Variants in PTPRD observed in about 807,000 individuals in gnomAD.
PTPRD encodes receptor-type tyrosine-protein phosphatase delta.
In PTPRD, 34 loss-of-function variants were observed where a neutral mutation model predicts 214.5. The observed-to-expected ratio is 0.16, with a 90% CI of 0.12 to 0.21. The LOEUF is 0.21. Ranked by LOEUF, PTPRD falls within the 10% of genes least tolerant of loss-of-function variation. The pLI is 1.00. For synonymous variants in PTPRD, 1,128 were observed against 845.7 expected (o/e 1.33, Z -5.79); for missense variants, 2,545 against 2,398.7 (o/e 1.06, Z -1.27).
chr9:8,499,983 C>A, intron 24 of PTPRD, 143 bp from the exon 25 acceptor site: 2 of 458,872 alleles, frequency 4.4e-6, no homozygotes, highest in Non-Finnish European at 3.4e-6. Context: ...CAAACATTTT[C>A]AACCAATGAA....
chr9:10,383,784 C>T (rs773115957), intron 2 of PTPRD, among the ~76,000 whole-genome samples: 4 of 151,778 alleles, frequency 2.6e-5, no homozygotes, highest in Non-Finnish European at 5.9e-5. Flanking sequence ...AAACGTCTGA[C>T]TCTAATCATA....
At chr9:8,859,782 G>A (rs577560223) in intron 11 of PTPRD, among the ~76,000 whole-genome samples, 3 of 140,752 alleles carry the variant, frequency 2.1e-5, no homozygotes, top group South Asian at 2.4e-4. Context: ...CTCTCTAAAC[G>A]AAGTTTAGTT....
chr9:9,406,170 T>C (rs891202987), intron 8 of PTPRD, among the ~76,000 whole-genome samples: 2 of 152,010 alleles, frequency 1.3e-5, no homozygotes, highest in African/African-American at 4.8e-5. Context: ...ACAAATGTTT[T>C]TGAAACACAT....
chr9:9,445,373 A>G (rs1459186625), intron 8 of PTPRD, among the ~76,000 whole-genome samples: 1 of 152,184 alleles, frequency 6.6e-6, no homozygotes, highest in African/African-American at 2.4e-5. Flanking sequence ...CTTCCTTTTT[A>G]CATTTCTTTC....
rs2095429649 is a variant in PTPRD, at chr9:10,288,445, G to C, written c.-545+52518C>G. 2.0e-5 allele frequency among the ~76,000 whole-genome samples: 3 copies of C among 152,150 alleles called. No homozygotes were observed. In the South Asian group the frequency reaches 6.2e-4, roughly 32 times the overall value. On this transcript the variant is annotated intron_variant, in intron 3 of 45. Transcript: ENST00000381196. Reference sequence around the variant, plus strand: ...TTATTAACTTAATGACCCAAGTAAAGAAACAATACAACTTAGCTTTTGTTT... The same window carrying C: ...TTATTAACTTAATGACCCAAGTAAACAAACAATACAACTTAGCTTTTGTTT...
intron 7 of PTPRD, among the ~76,000 whole-genome samples, chr9:9,705,019 A>G (rs1380535814): frequency 6.6e-6 from 1 of 152,222 alleles, no homozygotes; most frequent in African/African-American, 2.4e-5. Context: ...TAATGAAGTT[A>G]CATGTTTTTT....
chr9:9,924,080 C>A (rs2083445040), intron 5 of PTPRD, among the ~76,000 whole-genome samples: 1 of 151,616 alleles, frequency 6.6e-6, no homozygotes, highest in East Asian at 1.9e-4. Context: ...AAAATGTAAA[C>A]CTAGAGAATA....
At chr9:9,962,624 G>C (rs562223300) in intron 4 of PTPRD, among the ~76,000 whole-genome samples, 1 of 152,018 alleles carries the variant, frequency 6.6e-6, no homozygotes, top group African/African-American at 2.4e-5. Flanking sequence ...TAAAAGTTAC[G>C]ATTAACGGTA....
At position 8,430,268 on chromosome 9, in the gene PTPRD, A is replaced by T. The variant is rs573166186; in HGVS notation, c.4086+6324T>A. On this transcript the variant is annotated intron_variant, in intron 35 of 45. Coordinates refer to ENST00000381196, the MANE Select transcript of PTPRD (RefSeq NM_002839.4). ...ACTGGGATGCCCATTAATTTTTTTT[A>T]TTTTTTTTTTACTTTTTTTCAGACA... 2.9e-3 allele frequency among the ~76,000 whole-genome samples: 429 copies of T among 147,486 alleles called. 2 individuals carry two copies. Among genetic ancestry groups the T allele is most frequent in the African/African-American group, 9.8e-3 (395 of 40,124 alleles).
At chr9:9,002,573 C>A (rs1023537580) in intron 11 of PTPRD, among the ~76,000 whole-genome samples, 1 of 152,014 alleles carries the variant, frequency 6.6e-6, no homozygotes, top group African/African-American at 2.4e-5. Flanking sequence ...AAATAGAATT[C>A]TCCACACCAA....
intron 11 of PTPRD, among the ~76,000 whole-genome samples, chr9:8,964,375 T>G (rs905772605): frequency 2.0e-5 from 3 of 151,780 alleles, no homozygotes; most frequent in African/African-American, 7.3e-5. Context: ...CTGAGGATAT[T>G]GTCTATTTCT....
At chr9:8,584,528 G>A (rs1452836380) in intron 14 of PTPRD, among the ~76,000 whole-genome samples, 3 of 151,894 alleles carry the variant, frequency 2.0e-5, no homozygotes, top group Non-Finnish European at 4.4e-5. Flanking sequence ...TGGCATTCTG[G>A]TATTCAGCAA....
At chr9:9,262,282 C>G (rs1407008452) in intron 9 of PTPRD, among the ~76,000 whole-genome samples, 1 of 150,596 alleles carries the variant, frequency 6.6e-6, no homozygotes, top group East Asian at 2.0e-4. Flanking sequence ...AGTAAAATGA[C>G]AGGGGCAATG....
intron 7 of PTPRD, among the ~76,000 whole-genome samples, chr9:9,656,453 T>C (rs1446593437): frequency 2.0e-5 from 3 of 152,130 alleles, no homozygotes; most frequent in Non-Finnish European, 2.9e-5. Flanking sequence ...TCCTAAGCCA[T>C]GAAAGAAATG....
At chr9:9,707,936 G>T (rs1340969423) in intron 7 of PTPRD, among the ~76,000 whole-genome samples, 1 of 151,724 alleles carries the variant, frequency 6.6e-6, no homozygotes, top group Non-Finnish European at 1.5e-5. Context: ...ACTTCTCATA[G>T]ACATATACCT....
intron 2 of PTPRD, among the ~76,000 whole-genome samples, chr9:10,410,102 A>G (rs571583801): frequency 8.3e-4 from 126 of 151,474 alleles, no homozygotes; most frequent in African/African-American, 2.9e-3. Context: ...TAATATATCA[A>G]TGGATGCCAT....
At chr9:10,505,632 T>C (rs1286818970) in intron 2 of PTPRD, among the ~76,000 whole-genome samples, 2 of 151,930 alleles carry the variant, frequency 1.3e-5, no homozygotes, top group Admixed American at 6.6e-5. Context: ...AAAGCAAGCA[T>C]GCTCCAAAGC....
intron 3 of PTPRD, among the ~76,000 whole-genome samples, chr9:10,132,221 G>A (rs2098897054): frequency 6.6e-6 from 1 of 152,038 alleles, no homozygotes; most frequent in African/African-American, 2.4e-5. Context: ...AATGATGTGA[G>A]ACTTTCCAGA....
intron 8 of PTPRD, among the ~76,000 whole-genome samples, chr9:9,430,480 A>T (rs2082661222): frequency 6.6e-6 from 1 of 152,146 alleles, no homozygotes; most frequent in African/African-American, 2.4e-5. Flanking sequence ...ATACTGCCCA[A>T]AGTAATTTAT....
Sources: gnomAD v4.1 joint callset for allele counts (sites outside exome capture counted in the v4.1 genomes callset) on GRCh38, gnomAD v4.1.1 for gene constraint, MANE v1.5 for transcripts, NCBI Gene and HGNC (gene_info 2026-07-23, HGNC 2026-07-21) for gene names.